Variants in RAVER2 observed in about 807,000 individuals in gnomAD.
RAVER2 encodes ribonucleoprotein, PTB binding 2, also known as ribonucleoprotein PTB-binding 2.
In RAVER2, 46 loss-of-function variants were observed where a neutral mutation model predicts 78.1. The ratio of observed to expected loss-of-function variants is 0.59; its 90% CI spans 0.46 to 0.75. The LOEUF (loss-of-function observed/expected upper bound fraction) is 0.75, where lower values mean the gene tolerates loss of function less well. Among genes scored for constraint, RAVER2 ranks in the 30% least tolerant of loss-of-function variants. RAVER2 has a pLI of 0.00. For missense variants in RAVER2, 793 were observed against 837.5 expected (o/e 0.95, Z 0.66); for synonymous variants, 311 against 313.3 (o/e 0.99, Z 0.08).
Position 64,807,543 on chromosome 1 carries a change from T to C in RAVER2, c.1680+69T>C, listed in dbSNP as rs1570573601. 8 of 1,356,218 alleles carry C rather than the reference T, an allele frequency of 5.9e-6. No individual in the cohort carries two copies. In the East Asian group the frequency reaches 1.0e-4, roughly 17 times the overall value. The allele number at this position is 1,356,218 out of a possible 1,614,324, so 84.0% of individuals were successfully genotyped here. The stretch of plus-strand genomic sequence containing the variant: ...ATGTATATATATTCCTTTTAAATTA[T>C]GTCTTAAATTGTCGTGTCAATGAAA... On this transcript the variant is annotated intron_variant, in intron 9 of 11. Coordinates refer to ENST00000294428, the Ensembl canonical transcript of RAVER2.
chr1:64,800,168 G>GTA (rs761132184), intron 5 of RAVER2, among the ~76,000 whole-genome samples: 1 of 149,292 alleles, frequency 6.7e-6, no homozygotes, highest in Non-Finnish European at 1.5e-5. Flanking sequence ...AGAGTTCTGT[G>GTA]TATATTCTGG....
chr1:64,812,401 A>G (rs1653639050), intron 9 of RAVER2, among the ~76,000 whole-genome samples: 1 of 150,836 alleles, frequency 6.6e-6, no homozygotes, highest in Non-Finnish European at 1.5e-5. Flanking sequence ...ATAGATAGAT[A>G]GACAGACAGA....
intron 1 of RAVER2, among the ~76,000 whole-genome samples, chr1:64,749,768 ATTGG>A (rs1459978814): frequency 6.6e-6 from 1 of 152,110 alleles, no homozygotes; most frequent in Non-Finnish European, 1.5e-5. Flanking sequence ...TAGAATTTTG[ATTGG>A]TTGAGGTAAT....
intron 3 of RAVER2, 66 bp downstream of exon 3, chr1:64,778,158 ACT>A (rs1652526501): frequency 1.2e-5 from 14 of 1,150,140 alleles, no homozygotes; most frequent in Non-Finnish European, 1.6e-5. Flanking sequence ...ATCTACATAC[ACT>A]CACAAATTTA....
intron 1 of RAVER2, among the ~76,000 whole-genome samples, chr1:64,758,226 T>G (rs1651908719): frequency 6.6e-6 from 1 of 152,232 alleles, no homozygotes; most frequent in South Asian, 2.1e-4. Flanking sequence ...TGTGCAATTG[T>G]GATAGCCACA....
At chr1:64,791,468 A>T (rs1652940211) in intron 5 of RAVER2, among the ~76,000 whole-genome samples, 1 of 152,190 alleles carries the variant, frequency 6.6e-6, no homozygotes, top group Admixed American at 6.5e-5. Flanking sequence ...TCAGTAGCAT[A>T]TCAAAGACAC....
At chr1:64,825,671 T>C (rs1193919288) in intron 11 of RAVER2, among the ~76,000 whole-genome samples, 1 of 152,232 alleles carries the variant, frequency 6.6e-6, no homozygotes, top group Non-Finnish European at 1.5e-5. Context: ...ACCAGTTCAA[T>C]TATTGACATG....
intron 1 of RAVER2, among the ~76,000 whole-genome samples, chr1:64,749,885 G>A (rs947636136): frequency 2.0e-5 from 3 of 152,150 alleles, no homozygotes; most frequent in Admixed American, 6.5e-5. Flanking sequence ...GTTTCAAAAT[G>A]GAGAAAACAG....
At position 64,830,832 on chromosome 1, in the gene RAVER2, C is replaced by T. The variant is rs754177627; in HGVS notation, c.1930-7C>T. 5 of 1,583,596 alleles carry T rather than the reference C, an allele frequency of 3.2e-6. No homozygotes were observed. The highest frequency in any genetic ancestry group is 2.7e-5 in the African/African-American group (2 of 73,536). On this transcript the variant is annotated splice_region_variant and splice_polypyrimidine_tract_variant and intron_variant, in intron 11 of 11. Transcript: ENST00000294428. ...TTAAAACTAGCTGCAATTTTATTTT[C>T]TCATAGGTGTCATCTTTAAGAAATG...
At chr1:64,786,316 C>G (rs1652778543) in intron 4 of RAVER2, among the ~76,000 whole-genome samples, 1 of 152,124 alleles carries the variant, frequency 6.6e-6, no homozygotes, top group African/African-American at 2.4e-5. Context: ...TCATTCTATG[C>G]TCTTCAATTG....
chr1:64,772,749 A>G (rs1211568189), intron 2 of RAVER2, among the ~76,000 whole-genome samples: 1 of 152,184 alleles, frequency 6.6e-6, no homozygotes, highest in Non-Finnish European at 1.5e-5. Context: ...TACCTGAAAT[A>G]ACTGGATCTC....
At chr1:64,768,634 T>C (rs201763045) in intron 1 of RAVER2, 22 bp from the exon 2 acceptor site, 11 of 1,442,096 alleles carry the variant, frequency 7.6e-6, no homozygotes, top group African/African-American at 1.4e-5. Flanking sequence ...GTTTACTGAA[T>C]TCGTGTTTTT....
intron 11 of RAVER2, chr1:64,815,287 A>G (rs979885227): frequency 2.0e-5 from 3 of 152,230 alleles, no homozygotes; most frequent in Non-Finnish European, 2.9e-5. Flanking sequence ...GGTTTGCACT[A>G]GTGTAGACCT....
chr1:64,817,807 C>T (rs955551520), intron 11 of RAVER2, among the ~76,000 whole-genome samples: 4 of 151,796 alleles, frequency 2.6e-5, no homozygotes, highest in Admixed American at 2.0e-4. Flanking sequence ...ATGTAAATGA[C>T]GAGCTAATGG....
At chr1:64,760,884 G>A (rs552129593) in intron 1 of RAVER2, among the ~76,000 whole-genome samples, 88 of 152,222 alleles carry the variant, frequency 5.8e-4, no homozygotes, top group Middle Eastern at 6.8e-3. Flanking sequence ...TTTTGTAATG[G>A]CAATTCTTAA....
intron 1 of RAVER2, among the ~76,000 whole-genome samples, chr1:64,760,666 G>A (rs529441101): frequency 2.0e-5 from 3 of 152,090 alleles, no homozygotes; most frequent in Non-Finnish European, 4.4e-5. Flanking sequence ...TTTATTTAAT[G>A]GGATATATTT....
At chr1:64,789,710 A>G (rs1557595585) in intron 5 of RAVER2, among the ~76,000 whole-genome samples, 196 bp downstream of exon 5, 1 of 152,214 alleles carries the variant, frequency 6.6e-6, no homozygotes, top group Non-Finnish European at 1.5e-5. Context: ...TTTTTGACAT[A>G]TACAACCTGC....
intron 5 of RAVER2, among the ~76,000 whole-genome samples, chr1:64,790,178 G>A (rs1005605480): frequency 3.3e-5 from 5 of 152,148 alleles, no homozygotes; most frequent in African/African-American, 1.2e-4. Flanking sequence ...ATGTTCTTGT[G>A]TTCCACAGTT....
intron 11 of RAVER2, among the ~76,000 whole-genome samples, chr1:64,827,964 C>T (rs1654039028): frequency 6.6e-6 from 1 of 152,208 alleles, no homozygotes; most frequent in Non-Finnish European, 1.5e-5. Context: ...ACCTCATTTG[C>T]CACTGCCCTC....
Sources: allele counts gnomAD v4.1 joint callset (sites outside exome capture counted in the v4.1 genomes callset), GRCh38; gene constraint gnomAD v4.1.1; transcripts MANE v1.5; gene names NCBI Gene and HGNC (gene_info 2026-07-23, HGNC 2026-07-21).